VDR: variants seen among roughly 807,000 people sequenced by gnomAD.
VDR encodes vitamin D receptor.
A neutral mutation model predicts 39.7 loss-of-function variants in VDR; 19 were observed. The observed-to-expected ratio is 0.48, with a 90% CI of 0.33 to 0.70. The LOEUF (loss-of-function observed/expected upper bound fraction) is 0.70, where lower values mean the gene tolerates loss of function less well. Ranked by LOEUF, VDR falls within the 30% of genes least tolerant of loss-of-function variation. VDR has a pLI of 0.02. For synonymous variants in VDR, 242 were observed against 215.8 expected (o/e 1.12, Z -1.07); for missense variants, 442 against 570.5 (o/e 0.77, Z 2.29).
intron 1 of VDR, among the ~76,000 whole-genome samples, chr12:47,886,656 C>A (rs894625855): frequency 1.6e-4 from 25 of 152,210 alleles, no homozygotes; most frequent in African/African-American, 5.5e-4. Flanking sequence ...ACCACAATGT[C>A]CACAGTAAAA....
intron 3 of VDR, among the ~76,000 whole-genome samples, chr12:47,866,732 G>A (rs1045389487): frequency 6.6e-6 from 1 of 152,228 alleles, no homozygotes; most frequent in Non-Finnish European, 1.5e-5. Context: ...GCTCAGGCCT[G>A]TAATCCTAGC....
At chr12:47,880,232 C>T (rs557207023) in intron 2 of VDR, among the ~76,000 whole-genome samples, 17 of 152,284 alleles carry the variant, frequency 1.1e-4, no homozygotes, top group African/African-American at 3.9e-4. Context: ...AAACAAGAGA[C>T]AAGAACCCAC....
chr12:47,899,770 A>T, intron 1 of VDR: 1 of 419,472 alleles, frequency 2.4e-6, no homozygotes, highest in Non-Finnish European at 3.2e-6. Flanking sequence ...AGCCTTGGGC[A>T]GGTGGCTGCA....
At chr12:47,871,521 C>T (rs928477323) in intron 3 of VDR, among the ~76,000 whole-genome samples, 1 of 148,894 alleles carries the variant, frequency 6.7e-6, no homozygotes, top group African/African-American at 2.5e-5. Context: ...TGGAGTGCAG[C>T]AGCACGATCT....
At chr12:47,889,676 G>T (rs1946327169) in intron 1 of VDR, among the ~76,000 whole-genome samples, 1 of 152,214 alleles carries the variant, frequency 6.6e-6, no homozygotes, top group African/African-American at 2.4e-5. Flanking sequence ...GAGGCTATTT[G>T]TTCAGTGACT....
intron 4 of VDR, among the ~76,000 whole-genome samples, chr12:47,860,251 C>T (rs1366232477): frequency 1.3e-5 from 2 of 152,168 alleles, no homozygotes; most frequent in African/African-American, 4.8e-5. Context: ...CAGGCGTGAG[C>T]TACCATGCCC....
chr12:47,903,698 C>A (rs1480638328), intron 1 of VDR, among the ~76,000 whole-genome samples: 1 of 152,168 alleles, frequency 6.6e-6, no homozygotes. Context: ...CTTTTGCTCA[C>A]CCCCTTCACT....
chr12:47,867,455 T>C (rs1945760977), intron 3 of VDR, among the ~76,000 whole-genome samples: 1 of 152,024 alleles, frequency 6.6e-6, no homozygotes, highest in Admixed American at 6.6e-5. Flanking sequence ...ATTTAAGGGC[T>C]CATTTTCCTA....
chr12:47,877,430 A>G (rs1486822577), intron 3 of VDR, among the ~76,000 whole-genome samples: 2 of 152,186 alleles, frequency 1.3e-5, no homozygotes, highest in Non-Finnish European at 2.9e-5. Context: ...TCAGATTAAC[A>G]CTATGTAGCA....
At chr12:47,882,396 C>G (rs11574042) in intron 2 of VDR, among the ~76,000 whole-genome samples, 14,622 of 152,144 alleles carry the variant, frequency 0.096, 846 homozygotes, top group African/African-American at 0.16. Context: ...AAGAAGGCAG[C>G]AAAGAGAAAG....
chr12:47,892,988 A>G (rs1453306312), intron 1 of VDR, among the ~76,000 whole-genome samples: 1 of 152,182 alleles, frequency 6.6e-6, no homozygotes. Flanking sequence ...GCGAAAGGGA[A>G]AGAACATGTT....
At chr12:47,865,848 G>A (rs978360006) in intron 3 of VDR, among the ~76,000 whole-genome samples, 1 of 151,642 alleles carries the variant, frequency 6.6e-6, no homozygotes, top group Admixed American at 6.6e-5. Context: ...GAGTAGCTGG[G>A]ACTACAGGCG....
intron 7 of VDR, among the ~76,000 whole-genome samples, chr12:47,851,937 G>T (rs1355314608): frequency 2.0e-5 from 3 of 152,174 alleles, no homozygotes; most frequent in Non-Finnish European, 4.4e-5. Flanking sequence ...GACAGACTAG[G>T]GGACAGAGGA....
chr12:47,904,909 A>T lies in VDR; in HGVS notation c.-84+46T>A, dbSNP rs192488130. The T allele has an allele frequency of 5.4e-4, 157 of 290,978 alleles. 1 individual carries two copies. Among genetic ancestry groups the T allele is most frequent in the Admixed American group, 3.8e-3 (79 of 20,820 alleles). 18.0% of individuals were successfully genotyped at this position (290,978 alleles called of 1,614,324 possible). ...CGGTATCCCAGACGCCCCGACCCCGAGTCCCTATCCTGAGACCCCCTTTCC... is the reference window on the plus strand; with the variant it reads ...CGGTATCCCAGACGCCCCGACCCCGTGTCCCTATCCTGAGACCCCCTTTCC... On this transcript the variant is annotated intron_variant, in intron 1 of 9. Coordinates refer to ENST00000549336, the MANE Select transcript of VDR (RefSeq NM_000376.3).
intron 3 of VDR, among the ~76,000 whole-genome samples, chr12:47,876,914 A>G (rs918457835): frequency 3.7e-4 from 56 of 152,208 alleles, no homozygotes; most frequent in Admixed American, 3.7e-3. Context: ...CCAGAGCTGA[A>G]TCTCAGGGGG....
chr12:47,844,524 C>T lies in VDR; in HGVS notation c.*222G>A. The T allele has an allele frequency of 1.5e-6, 1 of 645,288 alleles. No individual in the cohort carries two copies. Among genetic ancestry groups the T allele is most frequent in the Non-Finnish European group, 2.6e-6 (1 of 378,366 alleles). The allele number at this position is 645,288 out of a possible 1,614,324, so 40.0% of individuals were successfully genotyped here. ...TTGGGTTTCTTTGTCAAACAAACAGCAACTCCTCATGGCTGAGGTCTCAAG... is the reference window on the plus strand; with the variant it reads ...TTGGGTTTCTTTGTCAAACAAACAGTAACTCCTCATGGCTGAGGTCTCAAG... On this transcript the variant is annotated 3_prime_UTR_variant, in exon 10 of 10. Transcript: ENST00000549336.
Position 47,878,964 on chromosome 12 carries a change from T to C in VDR, c.146+4A>G, listed in dbSNP as rs780327220. The C allele has an allele frequency of 8.1e-6, 13 of 1,614,174 alleles. No individual in the cohort carries two copies. Among genetic ancestry groups the C allele is most frequent in the South Asian group, 2.2e-5 (2 of 91,092 alleles). On this transcript the variant is annotated splice_donor_region_variant and intron_variant, in intron 3 of 9. Coordinates refer to ENST00000549336, the MANE Select transcript of VDR (RefSeq NM_000376.3). The stretch of plus-strand genomic sequence containing the variant: ...ACTGGGGAGAGCCTGGGAGGAGGGC[T>C]CACCTGAAGAAGCCTTTGCAGCCTT...
intron 9 of VDR, among the ~76,000 whole-genome samples, chr12:47,845,768 T>C (rs1945268061): frequency 6.6e-6 from 1 of 152,228 alleles, no homozygotes; most frequent in Non-Finnish European, 1.5e-5. Context: ...CACAGGCCAC[T>C]AGCACAGGCT....
chr12:47,904,564 C>T, intron 1 of VDR: 1 of 1,535,128 alleles, frequency 6.5e-7, no homozygotes. Flanking sequence ...GGTTACACAC[C>T]CTCCACTCCA....
Sources: allele counts gnomAD v4.1 joint callset (sites outside exome capture counted in the v4.1 genomes callset), GRCh38; gene constraint gnomAD v4.1.1; transcripts MANE v1.5; gene names NCBI Gene and HGNC (gene_info 2026-07-23, HGNC 2026-07-21).